The following CACNA1B variants were observed in gnomAD, a reference collection of about 807,000 sequenced individuals.
CACNA1B encodes voltage-dependent N-type calcium channel subunit alpha-1B.
In CACNA1B, 70 loss-of-function variants were observed where a neutral mutation model predicts 247.2. That is an observed-to-expected ratio of 0.28 (90% CI 0.23 to 0.35). CACNA1B has a LOEUF of 0.35. Among genes scored for constraint, CACNA1B ranks in the 10% least tolerant of loss-of-function variants. The pLI is 1.00. For missense variants in CACNA1B, 2,367 were observed against 3,197.4 expected, an observed-to-expected ratio of 0.74 and a Z score of 6.26; for synonymous variants, 1,231 against 1,294.4, an observed-to-expected ratio of 0.95 and a Z score of 1.05.
chr9:137,976,049 G>A, intron 12 of CACNA1B, 30 bp downstream of exon 12: 1 of 1,334,614 alleles, frequency 7.5e-7, no homozygotes, highest in Non-Finnish European at 1.1e-6. Context: ...AGGGGCCCAG[G>A]CTGTATCCTT....
At chr9:137,915,554 C>T (rs954437214) in intron 5 of CACNA1B, among the ~76,000 whole-genome samples, 7 of 151,928 alleles carry the variant, frequency 4.6e-5, no homozygotes, top group African/African-American at 1.2e-4. Context: ...ACCCAGCCGG[C>T]GGTGGCTCAC....
intron 15 of CACNA1B, among the ~76,000 whole-genome samples, chr9:138,000,389 T>C (rs112697710): frequency 0.016 from 2,440 of 152,298 alleles, 31 homozygotes; most frequent in South Asian, 0.032. Flanking sequence ...TGAGCCACCG[T>C]GCCTGGCCAA....
At chr9:138,016,935 C>T (rs1326970368) in intron 18 of CACNA1B, among the ~76,000 whole-genome samples, 1 of 152,220 alleles carries the variant, frequency 6.6e-6, no homozygotes, top group Non-Finnish European at 1.5e-5. Context: ...TCTCACTTTT[C>T]TGCATGTGTG....
chr9:138,073,640 C>G lies in CACNA1B; in HGVS notation c.4791+36C>G. 1 of 1,204,306 alleles carries G rather than the reference C, an allele frequency of 8.3e-7. No individual in the cohort carries two copies. Among genetic ancestry groups the G allele is most frequent in the East Asian group, 2.3e-5 (1 of 42,940 alleles). The allele number at this position is 1,204,306 out of a possible 1,614,324, so 74.6% of individuals were successfully genotyped here. ...CGGGGGGCCTCCATGCTTTCTGTCC[C>G]CTTCCTCCGTCTTGCTTCCCCTGCC... On this transcript the variant is annotated intron_variant, in intron 33 of 46. Coordinates refer to ENST00000371372, the MANE Select transcript of CACNA1B (RefSeq NM_000718.4). This position sits in a 1 kb window ranked among gnomAD's most constrained non-coding sequence, Gnocchi z 6.4.
At position 138,059,285 on chromosome 9, in the gene CACNA1B, A is replaced by C; in HGVS notation, c.4584+96A>C. ...TGGGGGCTCACAATTTGGAGCTGGG[A>C]ATTCTCCGAGTACCCAGAGTATATG... is the stretch of plus-strand genomic sequence containing the variant. On this transcript the variant is annotated intron_variant, in intron 30 of 46. Transcript: ENST00000371372. The surrounding 1 kb of genome is among the most constrained non-coding windows in gnomAD (Gnocchi z 4.2). 1.4e-6 allele frequency: 1 copy of C among 722,514 alleles called. No individual in the cohort carries two copies. The highest frequency in any genetic ancestry group is 2.5e-6 in the Non-Finnish European group (1 of 399,370). The allele number at this position is 722,514 out of a possible 1,614,324, so 44.8% of individuals were successfully genotyped here.
At position 137,980,077 on chromosome 9, in the gene CACNA1B, A is replaced by C. The variant is rs146192688; in HGVS notation, c.1656+4058A>C. Among the ~76,000 whole-genome samples, 142 of 152,322 alleles carry C rather than the reference A, an allele frequency of 9.3e-4. 2 individuals are homozygous for C. Among genetic ancestry groups the C allele is most frequent in the African/African-American group, 3.1e-3 (130 of 41,576 alleles). ...AAAGGTAGTTCAGGTTTTCAGCTGA[A>C]TGGTTTTCTCAGCCTACTTCCCACT... is the stretch of plus-strand genomic sequence containing the variant. On this transcript the variant is annotated intron_variant, in intron 12 of 46. Coordinates refer to ENST00000371372, the MANE Select transcript of CACNA1B (RefSeq NM_000718.4).
chr9:137,994,571 A>G (rs1958474362), intron 15 of CACNA1B, among the ~76,000 whole-genome samples: 1 of 152,266 alleles, frequency 6.6e-6, no homozygotes, highest in Admixed American at 6.5e-5. Flanking sequence ...AACAGCGATC[A>G]AGCTGAGAAT....
At position 138,025,197 on chromosome 9, in the gene CACNA1B, G is replaced by A. The variant is rs751721977; in HGVS notation, c.3286+25G>A. The A allele has an allele frequency of 4.0e-6, 6 of 1,515,038 alleles. No individual in the cohort carries two copies. The Admixed American group carries it at 9.0e-5, about 23-fold the overall frequency. 93.8% of individuals were successfully genotyped at this position (1,515,038 alleles called of 1,614,324 possible). A position where few individuals can be genotyped will look rare whatever the true frequency, so the allele number is the denominator to read the frequency against. On this transcript the variant is annotated intron_variant, in intron 20 of 46. Coordinates refer to ENST00000371372, the MANE Select transcript of CACNA1B (RefSeq NM_000718.4). ...AGTGAGTATCTCCCTGTGCCAGTGGGGCAGGGCCCATCTTGTGCAGGTCCA... is the reference window on the plus strand; with the variant it reads ...AGTGAGTATCTCCCTGTGCCAGTGGAGCAGGGCCCATCTTGTGCAGGTCCA...
In CACNA1B at chr9:138,059,149, C is replaced by A. The variant is rs762491482; in HGVS notation, c.4544C>A (p.Ser1515Tyr). ...CLNIVFTSMF[S>Y]MECVLKIIAF... Reference sequence around the variant, plus strand: ...AACATCGTGTTCACATCCATGTTCTCCATGGAATGCGTGCTGAAGATCATC... The same window carrying A: ...AACATCGTGTTCACATCCATGTTCTACATGGAATGCGTGCTGAAGATCATC... Residue 1515 changes from serine (S) to tyrosine (Y), a missense_variant, in exon 30 of 47, where the codon TCC (serine) becomes TAC (tyrosine). This residue lies in a region of CACNA1B where 436 missense variants were observed against 679.5 expected (regional missense o/e 0.64). Transcript: ENST00000371372. This position sits in a 1 kb window ranked among gnomAD's most constrained non-coding sequence, Gnocchi z 4.2. 1.2e-6 allele frequency: 2 copies of A among 1,611,228 alleles called. No homozygotes were observed. The highest frequency in any genetic ancestry group is 2.2e-5 in the South Asian group (2 of 90,976).
intron 36 of CACNA1B, among the ~76,000 whole-genome samples, chr9:138,087,828 A>T (rs1190401248): frequency 6.6e-6 from 1 of 152,044 alleles, no homozygotes; most frequent in African/African-American, 2.4e-5. Flanking sequence ...GTAGGTGGAG[A>T]AGAAACATAG....
rs569411838 is a variant in CACNA1B, at chr9:138,034,443, G to T, written c.3286+9271G>T. ...TTCTGCTGGTATAAGTGGAAGTAGG[G>T]TCATAGTTTTTTTTTTTTTTTTGGC... On this transcript the variant is annotated intron_variant, in intron 20 of 46. Coordinates refer to ENST00000371372, the MANE Select transcript of CACNA1B (RefSeq NM_000718.4). 9.3e-5 allele frequency among the ~76,000 whole-genome samples: 14 copies of T among 150,576 alleles called. No homozygotes were observed. In the East Asian group the frequency reaches 2.3e-3, roughly 25 times the overall value.
At chr9:138,090,787 A>T (rs1389238763) in intron 36 of CACNA1B, among the ~76,000 whole-genome samples, 1 of 151,560 alleles carries the variant, frequency 6.6e-6, no homozygotes, top group Non-Finnish European at 1.5e-5. Context: ...AAAAGAAGAC[A>T]TACAAATGGC....
intron 6 of CACNA1B, among the ~76,000 whole-genome samples, chr9:137,922,360 A>G (rs953264175): frequency 1.4e-4 from 21 of 151,688 alleles, no homozygotes; most frequent in African/African-American, 5.1e-4. Context: ...CTGGGAGCAG[A>G]GTAAAGCGTT....
intron 18 of CACNA1B, among the ~76,000 whole-genome samples, chr9:138,013,863 C>T (rs1229075833): frequency 6.6e-6 from 1 of 152,228 alleles, no homozygotes; most frequent in Non-Finnish European, 1.5e-5. Flanking sequence ...GAAAGTCTGG[C>T]CCATGGCCTG....
At chr9:138,024,526 T>C (rs940445035) in intron 19 of CACNA1B, among the ~76,000 whole-genome samples, 6 of 152,202 alleles carry the variant, frequency 3.9e-5, no homozygotes, top group Non-Finnish European at 7.3e-5. Flanking sequence ...TAGAGTAATT[T>C]AAAAAACGTA....
chr9:137,948,421 C>G (rs77231345), intron 6 of CACNA1B, among the ~76,000 whole-genome samples: 1 of 152,060 alleles, frequency 6.6e-6, no homozygotes, highest in East Asian at 1.9e-4. Context: ...ATAATTCTAT[C>G]GTTCTTTGTT....
chr9:138,040,497 A>ATAT, intron 20 of CACNA1B: 2 of 274,258 alleles, frequency 7.3e-6, no homozygotes, highest in Non-Finnish European at 1.4e-5. Flanking sequence ...TATATATATA[A>ATAT]ATGATATATG....
chr9:137,912,208 G>A (rs1418533777), intron 3 of CACNA1B, among the ~76,000 whole-genome samples: 1 of 152,228 alleles, frequency 6.6e-6, no homozygotes, highest in Non-Finnish European at 1.5e-5. Context: ...ACGGACATGC[G>A]TGATACTCAA....
rs775995727 is a variant in CACNA1B, at chr9:138,112,499, C to T, written c.5530C>T (p.His1844Tyr). ...QKTLDLLVPP[H>Y]KPDEMTVGKV... is the part of the protein sequence containing the mutation. ...GACTTTGGACTTGCTGGTACCACCC[C>T]ATAAGCGTAAGTGTGAGGGTGAGAA... Residue 1844 changes from histidine (H) to tyrosine (Y), a missense_variant, in exon 40 of 47, where the codon CAT (histidine) becomes TAT (tyrosine). By Grantham distance (83) the His-to-Tyr change is moderately conservative. Transcript: ENST00000371372. 10 of 1,599,356 alleles carry T rather than the reference C, an allele frequency of 6.3e-6. No homozygotes were observed. Among genetic ancestry groups the T allele is most frequent in the Admixed American group, 1.7e-5 (1 of 59,998 alleles).
Sources: gnomAD v4.1 joint callset for allele counts (sites outside exome capture counted in the v4.1 genomes callset) on GRCh38, gnomAD v4.1.1 for gene constraint, gnomAD v4.1.1 regional missense constraint, Gnocchi (gnomAD v3.1) non-coding constraint, MANE v1.5 for transcripts, NCBI Gene and HGNC (gene_info 2026-07-23, HGNC 2026-07-21) for gene names.